NUDT5: variants seen among roughly 807,000 people sequenced by gnomAD.
The protein encoded by NUDT5 is ADP-sugar pyrophosphatase.
Under a neutral mutation model 34.1 loss-of-function variants are expected in NUDT5, and 21 were observed. The observed-to-expected ratio is 0.62, with a 90% CI of 0.44 to 0.89. The LOEUF (loss-of-function observed/expected upper bound fraction) is 0.89, where lower values mean the gene tolerates loss of function less well. NUDT5 is among the 40% of genes least tolerant of loss of function. NUDT5 has a pLI of 0.00. For missense variants in NUDT5, 249 were observed against 274.8 expected (o/e 0.91, Z 0.66); for synonymous variants, 85 against 97.6 (o/e 0.87, Z 0.76).
At position 12,175,504 on chromosome 10, in the gene NUDT5, C is replaced by T. The variant is rs1321826307; in HGVS notation, c.290-1691G>A. On this transcript the variant is annotated intron_variant, in intron 5 of 9. Transcript: ENST00000491614. The surrounding 1 kb of genome is among the most constrained non-coding windows in gnomAD (Gnocchi z 4.8). ...CTACAAAAAATTTAAAAATCGAATG[C>T]GGTGATGCACGCCTGCAGACCCAGC... Among the ~76,000 whole-genome samples the T allele has an allele frequency of 2.7e-5, 4 of 150,846 alleles. No homozygotes were observed. The highest frequency in any genetic ancestry group is 2.0e-4 in the Admixed American group (3 of 15,126).
intron 3 of NUDT5, 31 bp downstream of exon 3, chr10:12,184,858 G>T: frequency 7.9e-7 from 1 of 1,268,808 alleles, no homozygotes; most frequent in Non-Finnish European, 1.1e-6. Flanking sequence ...CCCAAATAAC[G>T]AACATTTTGT....
chr10:12,193,747 AG>A (rs1190499661), intron 1 of NUDT5, among the ~76,000 whole-genome samples: 1 of 152,258 alleles, frequency 6.6e-6, no homozygotes, highest in Non-Finnish European at 1.5e-5. Flanking sequence ...CCTGAATAAA[AG>A]GTATCTATAA....
In NUDT5 at chr10:12,170,268, C is replaced by T; in HGVS notation, c.550+449G>A. On this transcript the variant is annotated intron_variant, in intron 9 of 9. Transcript: ENST00000491614. The surrounding 1 kb of genome is among the most constrained non-coding windows in gnomAD (Gnocchi z 4.9). Reference sequence around the variant, plus strand: ...TGAAAAGCATATCACACGGAGTATACAGGAAATACCTCAAGTATTTGTTGA... The same window carrying T: ...TGAAAAGCATATCACACGGAGTATATAGGAAATACCTCAAGTATTTGTTGA... 7.4e-7 allele frequency: 1 copy of T among 1,348,382 alleles called. No individual in the cohort carries two copies. 83.5% of individuals were successfully genotyped at this position (1,348,382 alleles called of 1,614,324 possible).
intron 4 of NUDT5, 61 bp from the exon 5 acceptor site, chr10:12,177,961 T>C: frequency 2.4e-6 from 3 of 1,255,090 alleles, no homozygotes; most frequent in South Asian, 2.4e-5. Context: ...GCCAGCACAT[T>C]GTTTAGAGCA....
At chr10:12,186,397 A>G (rs1835129514) in intron 1 of NUDT5, 65 bp from the exon 2 acceptor site, 10 of 904,908 alleles carry the variant, frequency 1.1e-5, no homozygotes, top group Non-Finnish European at 9.1e-6. Context: ...CGTCCACAGG[A>G]CACTAGTCAA....
chr10:12,189,455 G>GT (rs1175849076), intron 1 of NUDT5, among the ~76,000 whole-genome samples: 4 of 152,198 alleles, frequency 2.6e-5, no homozygotes, highest in Non-Finnish European at 2.9e-5. Flanking sequence ...AAGGGAAACA[G>GT]TATCGTGCAG....
intron 4 of NUDT5, 129 bp downstream of exon 4, chr10:12,178,954 G>T: frequency 1.3e-6 from 1 of 796,140 alleles, no homozygotes; most frequent in Non-Finnish European, 2.1e-6. Context: ...ACATAGTATG[G>T]CAAAACCTAA....
At chr10:12,180,580 A>G (rs1221109961) in intron 3 of NUDT5, 1 of 152,238 alleles carries the variant, frequency 6.6e-6, no homozygotes, top group Non-Finnish European at 1.5e-5. Flanking sequence ...ACCAGCAATA[A>G]AACAGAAACG....
chr10:12,191,296 T>C (rs2131719857), intron 1 of NUDT5, among the ~76,000 whole-genome samples: 1 of 152,170 alleles, frequency 6.6e-6, no homozygotes. Flanking sequence ...GGCAGGAGAA[T>C]GGCATGAACC....
chr10:12,170,093 G>A lies in NUDT5; in HGVS notation c.550+624C>T. The A allele has an allele frequency of 1.2e-6, 2 of 1,609,826 alleles. No individual in the cohort carries two copies. The highest frequency in any genetic ancestry group is 2.2e-5 in the South Asian group (2 of 91,004). ...CAGTATCTCCTCATGTCTCCATACAGTATCTCCTCTCGTGGTTTTATCAAA... is the reference window on the plus strand; with the variant it reads ...CAGTATCTCCTCATGTCTCCATACAATATCTCCTCTCGTGGTTTTATCAAA... On this transcript the variant is annotated intron_variant, in intron 9 of 9. Transcript: ENST00000491614. The surrounding 1 kb of genome is among the most constrained non-coding windows in gnomAD (Gnocchi z 4.9).
At chr10:12,176,699 G>A (rs963730572) in intron 5 of NUDT5, among the ~76,000 whole-genome samples, 8 of 152,172 alleles carry the variant, frequency 5.3e-5, no homozygotes, top group Admixed American at 4.6e-4. Context: ...CAATAATATA[G>A]GGCAATAAAT....
intron 1 of NUDT5, among the ~76,000 whole-genome samples, chr10:12,193,891 C>CG (rs1201932920): frequency 6.8e-6 from 1 of 147,208 alleles, no homozygotes; most frequent in Non-Finnish European, 1.5e-5. Flanking sequence ...TTTCCCGAGA[C>CG]GGAAAAAAAA....
At chr10:12,180,089 C>T (rs1047174855) in intron 3 of NUDT5, among the ~76,000 whole-genome samples, 24 of 152,174 alleles carry the variant, frequency 1.6e-4, no homozygotes, top group African/African-American at 5.3e-4. Context: ...ATATCCTCCT[C>T]GGAACCCTCC....
Position 12,165,669 on chromosome 10 carries a change from C to CTTTA in NUDT5, c.*2029_*2032dup, listed in dbSNP as rs1387717425. 4 of 152,258 alleles carry CTTTA rather than the reference C, an allele frequency of 2.6e-5. No individual in the cohort carries two copies. In the East Asian group the frequency reaches 7.7e-4, roughly 29 times the overall value. The allele number at this position is 152,258 out of a possible 1,614,324, so 9.4% of individuals were successfully genotyped here. On this transcript the variant is annotated 3_prime_UTR_variant, in exon 10 of 10. Transcript: ENST00000491614. Reference sequence around the variant, plus strand: ...GGTAAATCATTTTGAAAACTATGTGCTTTATTTCCCAAAAGATCAAACTTA... The same window carrying CTTTA: ...GGTAAATCATTTTGAAAACTATGTGCTTTATTTATTTCCCAAAAGATCAAACTTA...
At chr10:12,167,896 A>G in intron 9 of NUDT5, 85 bp from the exon 10 acceptor site, 1 of 1,577,522 alleles carries the variant, frequency 6.3e-7, no homozygotes, top group Non-Finnish European at 8.6e-7. Flanking sequence ...CGCAGCAGGT[A>G]CTACTATATG....
At chr10:12,177,169 C>A (rs556966155) in intron 5 of NUDT5, among the ~76,000 whole-genome samples, 62 of 150,308 alleles carry the variant, frequency 4.1e-4, no homozygotes, top group Middle Eastern at 7.0e-3. Context: ...TTTCCATTAG[C>A]AGATGGCTAA....
rs1429758433 is a variant in NUDT5 at position 12,167,787 on chromosome 10, G to C, written c.575C>G (p.Thr192Arg). Reference protein sequence around the residue: ...LDALVAEEHLTVDARVYSYAL... With the variant: ...LDALVAEEHLRVDARVYSYAL... ...GTAGGAATAGACCCTGGCGTCCACTGTGAGATGTTCTTCAGCTACCAGAGC... is the reference window on the plus strand; with the variant it reads ...GTAGGAATAGACCCTGGCGTCCACTCTGAGATGTTCTTCAGCTACCAGAGC... The change falls in exon 10 of 10, where the codon ACA (threonine) becomes AGA (arginine). Residue 192 changes from threonine to arginine, a missense_variant. Physicochemically the swap from Thr to Arg is moderately conservative, Grantham distance 71 (BLOSUM62 -1). Transcript: ENST00000491614. The C allele has an allele frequency of 5.0e-6, 8 of 1,614,132 alleles. No homozygotes were observed. The highest frequency in any genetic ancestry group is 4.0e-5 in the African/African-American group (3 of 75,052).
chr10:12,192,117 T>C (rs1476270269), intron 1 of NUDT5, among the ~76,000 whole-genome samples: 1 of 152,154 alleles, frequency 6.6e-6, no homozygotes, highest in East Asian at 1.9e-4. Flanking sequence ...AGCCTCTGAC[T>C]GACAAAAGAG....
intron 4 of NUDT5, among the ~76,000 whole-genome samples, chr10:12,178,468 T>A (rs2131706975): frequency 6.6e-6 from 1 of 152,322 alleles, no homozygotes; most frequent in South Asian, 2.1e-4. Flanking sequence ...TCCCCACAGC[T>A]TCCTATCTGT....
Sources: allele counts gnomAD v4.1 joint callset (sites outside exome capture counted in the v4.1 genomes callset), GRCh38; gene constraint gnomAD v4.1.1; non-coding constraint Gnocchi (gnomAD v3.1); transcripts MANE v1.5; gene names NCBI Gene and HGNC (gene_info 2026-07-23, HGNC 2026-07-21).